Variants in GALK2 observed in about 807,000 individuals in gnomAD.
GALK2 encodes the protein galactokinase 2, also known as N-acetylgalactosamine kinase.
In GALK2, 36 loss-of-function variants were observed where a neutral mutation model predicts 52.4. The observed-to-expected ratio is 0.69, with a 90% confidence interval of 0.53 to 0.91. The LOEUF is 0.91. Ranked by LOEUF, GALK2 falls within the 40% of genes least tolerant of loss-of-function variation. The pLI is 0.00. For synonymous variants in GALK2, 176 were observed against 199.1 expected, an observed-to-expected ratio of 0.88 and a Z score of 0.98; for missense variants, 579 against 559.1, an observed-to-expected ratio of 1.04 and a Z score of -0.36.
intron 1 of GALK2, among the ~76,000 whole-genome samples, chr15:49,200,026 T>C (rs76943708): frequency 0.06 from 9,078 of 152,230 alleles, 533 homozygotes; most frequent in African/African-American, 0.15. Context: ...GTTTCTTAAT[T>C]AATTAATTTC....
rs764224604 is a variant in GALK2 at position 49,217,234 on chromosome 15, G to T, written c.187G>T (p.Val63Leu). Reference sequence around the variant, plus strand: ...TGGATATTCTGTTCTTCCTATGGCTGTAGAACAAGATGTGCTAATAGCTGT... The same window carrying T: ...TGGATATTCTGTTCTTCCTATGGCTTTAGAACAAGATGTGCTAATAGCTGT... ...YCGYSVLPMAVEQDVLIAVEP... is the reference protein window; with the variant it reads ...YCGYSVLPMALEQDVLIAVEP... Residue 63 changes from valine (V) to leucine (L), a missense_variant, in exon 3 of 10, where the codon GTA becomes TTA. Val to Leu is a conservative substitution (Grantham distance 32). Transcript: ENST00000560031. The T allele has an allele frequency of 1.1e-5, 17 of 1,612,466 alleles. No individual in the cohort carries two copies. Among genetic ancestry groups the T allele is most frequent in the Non-Finnish European group, 1.4e-5 (17 of 1,178,532 alleles).
chr15:49,185,035 G>T (rs972754963), intron 1 of GALK2, among the ~76,000 whole-genome samples: 1 of 152,016 alleles, frequency 6.6e-6, no homozygotes, highest in Non-Finnish European at 1.5e-5. Flanking sequence ...TTGTTATATG[G>T]GAATATTGTG....
chr15:49,321,834 T>C (rs2036896566), intron 9 of GALK2, among the ~76,000 whole-genome samples: 1 of 152,226 alleles, frequency 6.6e-6, no homozygotes, highest in African/African-American at 2.4e-5. Flanking sequence ...TATTTTCATC[T>C]CCTAGCTTTG....
At chr15:49,273,513 A>G (rs1254567324) in intron 5 of GALK2, among the ~76,000 whole-genome samples, 1 of 152,044 alleles carries the variant, frequency 6.6e-6, no homozygotes, top group Non-Finnish European at 1.5e-5. Flanking sequence ...TAGAGATGTG[A>G]AGAAGAAATA....
chr15:49,228,972 G>A (rs1356191098), intron 3 of GALK2, among the ~76,000 whole-genome samples: 1 of 151,746 alleles, frequency 6.6e-6, no homozygotes, highest in East Asian at 1.9e-4. Context: ...TGGGATTACA[G>A]GTGTGAACCA....
chr15:49,268,567 T>C (rs1307574811), intron 5 of GALK2, among the ~76,000 whole-genome samples: 1 of 152,214 alleles, frequency 6.6e-6, no homozygotes, highest in Non-Finnish European at 1.5e-5. Flanking sequence ...TGGTGTAATG[T>C]AAGGACAGTG....
In GALK2 at chr15:49,219,100, T is replaced by C. The variant is rs375155662; in HGVS notation, c.266+1787T>C. 2.6e-5 allele frequency among the ~76,000 whole-genome samples: 4 copies of C among 152,346 alleles called. No individual in the cohort carries two copies. In the East Asian group the frequency reaches 7.7e-4, roughly 29 times the overall value. On this transcript the variant is annotated intron_variant, in intron 3 of 9. Coordinates refer to ENST00000560031, the MANE Select transcript of GALK2 (RefSeq NM_002044.4). The stretch of plus-strand genomic sequence containing the variant: ...CATCAGCCTCCCAAAGTGCTGGGAT[T>C]GCAGGTTTGAGCTACTGCATCCGTC...
At chr15:49,311,519 G>A (rs2035989336) in intron 8 of GALK2, among the ~76,000 whole-genome samples, 2 of 152,100 alleles carry the variant, frequency 1.3e-5, no homozygotes. Flanking sequence ...TTATAATCTC[G>A]ACGTCTTTGC....
At chr15:49,358,173 G>A in intron 3 of GALK2, among the ~76,000 whole-genome samples, 1 of 151,576 alleles carries the variant, frequency 6.6e-6, no homozygotes, top group East Asian at 1.9e-4. Flanking sequence ...TTTGAAAAGT[G>A]GCACAAGACA....
intron 1 of GALK2, among the ~76,000 whole-genome samples, chr15:49,196,184 TTTTG>T (rs750656358): frequency 1.3e-5 from 2 of 152,118 alleles, no homozygotes; most frequent in African/African-American, 2.4e-5. Context: ...GTGTCATTCT[TTTTG>T]TTTATTTTCT....
In GALK2 at chr15:49,253,853, C is replaced by G. The variant is rs550418435; in HGVS notation, c.504+14486C>G. ...TTAAAACACCAAGCATCATCATCAT[C>G]ATCATCATCAACAACAACTACACAA... On this transcript the variant is annotated intron_variant, in intron 5 of 9. Coordinates refer to ENST00000560031, the MANE Select transcript of GALK2 (RefSeq NM_002044.4). Among the ~76,000 whole-genome samples, 43 of 144,078 alleles carry G rather than the reference C, an allele frequency of 3.0e-4. 2 individuals carry two copies. Among genetic ancestry groups the G allele is most frequent in the African/African-American group, 1.0e-3 (42 of 40,262 alleles). 94.5% of individuals were successfully genotyped at this position (144,078 alleles called of 152,430 possible). A position where few individuals can be genotyped will look rare whatever the true frequency, so the allele number is the denominator to read the frequency against.
At chr15:49,360,570 A>G (rs562498932) in intron 3 of GALK2, among the ~76,000 whole-genome samples, 3 of 53,136 alleles carry the variant, frequency 5.6e-5, no homozygotes, top group East Asian at 1.1e-3. Flanking sequence ...TTATAAAAAC[A>G]TAGACAAAGT....
chr15:49,337,027 CTTTA>C (rs1458206217), intron 3 of GALK2, among the ~76,000 whole-genome samples: 4 of 152,130 alleles, frequency 2.6e-5, no homozygotes, highest in African/African-American at 7.2e-5. Flanking sequence ...TGAGTTTGTC[CTTTA>C]TTTATGACTA....
chr15:49,198,765 C>G (rs2087460739), intron 1 of GALK2: 1 of 151,624 alleles, frequency 6.6e-6, no homozygotes, highest in African/African-American at 2.4e-5. Context: ...TTAGATTAAT[C>G]TTAGTTTTGG....
intron 5 of GALK2, among the ~76,000 whole-genome samples, chr15:49,264,851 T>C (rs2092294470): frequency 6.6e-6 from 1 of 152,216 alleles, no homozygotes; most frequent in Admixed American, 6.5e-5. Flanking sequence ...CAGACCCTGT[T>C]TGCCTGGGTA....
chr15:49,190,704 A>G (rs75000293), intron 1 of GALK2, among the ~76,000 whole-genome samples: 2,614 of 152,298 alleles, frequency 0.017, 99 homozygotes, highest in African/African-American at 0.06. Context: ...CTCCTGTAAC[A>G]GTAGTTGATT....
chr15:49,315,855 T>A (rs2036364225), intron 8 of GALK2, among the ~76,000 whole-genome samples: 1 of 152,176 alleles, frequency 6.6e-6, no homozygotes, highest in Non-Finnish European at 1.5e-5. Flanking sequence ...CTGTGAATGC[T>A]TTTTGTCAAA....
At chr15:49,282,552 C>A in intron 6 of GALK2, among the ~76,000 whole-genome samples, 1 of 152,194 alleles carries the variant, frequency 6.6e-6, no homozygotes, top group Non-Finnish European at 1.5e-5. Context: ...TTCCTGTCAA[C>A]ATTTTTGGGG....
At chr15:49,342,630 G>A (rs1194078649) in intron 3 of GALK2, among the ~76,000 whole-genome samples, 3 of 152,238 alleles carry the variant, frequency 2.0e-5, no homozygotes, top group African/African-American at 7.2e-5. Flanking sequence ...AGTATCTGTG[G>A]CTATATATTC....
Sources: allele counts gnomAD v4.1 joint callset (sites outside exome capture counted in the v4.1 genomes callset), GRCh38; gene constraint gnomAD v4.1.1; transcripts MANE v1.5; gene names NCBI Gene and HGNC (gene_info 2026-07-23, HGNC 2026-07-21).